The following MACROD2 variants were observed in gnomAD, a reference collection of about 807,000 sequenced individuals.
MACROD2 encodes the protein mono-ADP ribosylhydrolase 2.
MACROD2 carries 36 observed loss-of-function variants against 70.4 expected under a neutral mutation model. The ratio of observed to expected loss-of-function variants is 0.51; its 90% CI spans 0.39 to 0.68. The LOEUF is 0.68. Among genes scored for constraint, MACROD2 ranks in the 30% least tolerant of loss-of-function variants. The pLI is 0.00. For synonymous variants in MACROD2, 172 were observed against 178.8 expected (o/e 0.96, Z 0.30); for missense variants, 496 against 538.4 (o/e 0.92, Z 0.78).
intron 5 of MACROD2, among the ~76,000 whole-genome samples, chr20:14,793,654 A>G (rs964015271): frequency 3.3e-5 from 5 of 152,072 alleles, no homozygotes; most frequent in African/African-American, 9.7e-5. Flanking sequence ...GAACAAATTA[A>G]AAGACATTCG....
chr20:15,340,562 C>T (rs2078100206), intron 6 of MACROD2, among the ~76,000 whole-genome samples: 1 of 152,150 alleles, frequency 6.6e-6, no homozygotes, highest in Admixed American at 6.6e-5. Flanking sequence ...AAAGTAGCAA[C>T]AGGTAATTAC....
At chr20:16,048,141 A>G (rs2067409432) in intron 17 of MACROD2, among the ~76,000 whole-genome samples, 1 of 152,216 alleles carries the variant, frequency 6.6e-6, no homozygotes. Flanking sequence ...TACCCCATGG[A>G]ATTTCTGCAA....
intron 3 of MACROD2, among the ~76,000 whole-genome samples, chr20:14,161,495 C>A (rs143517950): frequency 3.0e-4 from 46 of 151,122 alleles, no homozygotes; most frequent in African/African-American, 1.1e-3. Context: ...CAATTTCATT[C>A]TTTTTAATGG....
chr20:15,231,268 T>G (rs2076956942), intron 6 of MACROD2, among the ~76,000 whole-genome samples: 1 of 152,052 alleles, frequency 6.6e-6, no homozygotes, highest in African/African-American at 2.4e-5. Flanking sequence ...GCTCAATACA[T>G]AAGATCCTAT....
intron 5 of MACROD2, among the ~76,000 whole-genome samples, chr20:15,000,760 A>T (rs1200889504): frequency 6.6e-6 from 1 of 152,000 alleles, no homozygotes; most frequent in Non-Finnish European, 1.5e-5. Flanking sequence ...CTTAGGTGGA[A>T]ATTTCTGGAG....
At chr20:14,153,133 T>A (rs1007092628) in intron 3 of MACROD2, among the ~76,000 whole-genome samples, 5 of 152,030 alleles carry the variant, frequency 3.3e-5, no homozygotes, top group Non-Finnish European at 7.3e-5. Flanking sequence ...TACATTGGGG[T>A]TTTCTTGGTG....
intron 3 of MACROD2, among the ~76,000 whole-genome samples, chr20:14,156,378 G>T (rs1412278975): frequency 2.0e-5 from 3 of 152,098 alleles, no homozygotes. Flanking sequence ...TGCGTTTGCG[G>T]TATTGCTTAA....
At chr20:15,209,102 G>A (rs948579909) in intron 5 of MACROD2, among the ~76,000 whole-genome samples, 1 of 147,470 alleles carries the variant, frequency 6.8e-6, no homozygotes, top group Admixed American at 6.8e-5. Flanking sequence ...TGGTGGTGGT[G>A]GTGGTGGTGG....
intron 2 of MACROD2, among the ~76,000 whole-genome samples, chr20:14,028,156 G>A (rs536441639): frequency 6.6e-6 from 1 of 152,336 alleles, no homozygotes; most frequent in East Asian, 1.9e-4. Flanking sequence ...CAGCGGCTCT[G>A]CGGAGCTGCA....
At chr20:15,460,090 A>G (rs969416516) in intron 7 of MACROD2, among the ~76,000 whole-genome samples, 3 of 152,140 alleles carry the variant, frequency 2.0e-5, no homozygotes, top group Admixed American at 2.0e-4. Flanking sequence ...CTGGAAAAAG[A>G]CACGACTATT....
At chr20:14,969,409 A>AGC (rs2074670634) in intron 5 of MACROD2, among the ~76,000 whole-genome samples, 2 of 129,616 alleles carry the variant, frequency 1.5e-5, no homozygotes, top group African/African-American at 5.5e-5. Context: ...CACATATATA[A>AGC]GCATTTATTC....
At chr20:15,411,954 T>C (rs1032719288) in intron 6 of MACROD2, among the ~76,000 whole-genome samples, 2 of 152,222 alleles carry the variant, frequency 1.3e-5, no homozygotes, top group African/African-American at 4.8e-5. Flanking sequence ...TAGCTCTTGC[T>C]GTGGGTGTCT....
At chr20:15,992,295 C>G (rs1404963798) in intron 15 of MACROD2, among the ~76,000 whole-genome samples, 1 of 152,152 alleles carries the variant, frequency 6.6e-6, no homozygotes, top group Non-Finnish European at 1.5e-5. Flanking sequence ...TGCCCTGAAA[C>G]TCCATTTTTC....
intron 3 of MACROD2, among the ~76,000 whole-genome samples, chr20:14,368,341 A>C (rs948275847): frequency 2.0e-5 from 3 of 152,136 alleles, no homozygotes; most frequent in Non-Finnish European, 2.9e-5. Flanking sequence ...TCATGAGGTC[A>C]GGAGATCGAG....
At chr20:14,027,277 C>T (rs566977287) in intron 2 of MACROD2, among the ~76,000 whole-genome samples, 4 of 152,100 alleles carry the variant, frequency 2.6e-5, no homozygotes, top group South Asian at 2.1e-4. Context: ...ATATGCTTCA[C>T]GAAGTTCTCG....
At chr20:14,955,838 C>G (rs967522185) in intron 5 of MACROD2, among the ~76,000 whole-genome samples, 3 of 152,014 alleles carry the variant, frequency 2.0e-5, no homozygotes, top group African/African-American at 7.2e-5. Flanking sequence ...AGGAGTTCAT[C>G]TGGGATAAAT....
At chr20:14,278,649 A>G (rs1201554186) in intron 3 of MACROD2, among the ~76,000 whole-genome samples, 1 of 152,190 alleles carries the variant, frequency 6.6e-6, no homozygotes, top group African/African-American at 2.4e-5. Flanking sequence ...AACTCTTAAG[A>G]AAATGAAATG....
chr20:15,867,773 A>G (rs931624237), intron 9 of MACROD2, among the ~76,000 whole-genome samples: 1 of 152,224 alleles, frequency 6.6e-6, no homozygotes, highest in Non-Finnish European at 1.5e-5. Context: ...ACAATAAAGA[A>G]CATACGGTTT....
intron 4 of MACROD2, among the ~76,000 whole-genome samples, chr20:14,592,978 T>A (rs527770540): frequency 6.6e-6 from 1 of 152,164 alleles, no homozygotes; most frequent in African/African-American, 2.4e-5. Context: ...ATATTAAGTC[T>A]ACATTAGGCC....
Sources: allele counts gnomAD v4.1 joint callset (sites outside exome capture counted in the v4.1 genomes callset), GRCh38; gene constraint gnomAD v4.1.1; transcripts MANE v1.5; gene names NCBI Gene and HGNC (gene_info 2026-07-23, HGNC 2026-07-21).